SLC10A7: variants seen among roughly 807,000 people sequenced by gnomAD.
SLC10A7 encodes the protein solute carrier family 10 member 7.
A neutral mutation model predicts 43.2 loss-of-function variants in SLC10A7; 29 were observed. The ratio of observed to expected loss-of-function variants is 0.67; its 90% CI spans 0.50 to 0.92. The LOEUF (loss-of-function observed/expected upper bound fraction) is 0.92, where lower values mean the gene tolerates loss of function less well. SLC10A7 is among the 40% of genes least tolerant of loss of function. The pLI, the probability that SLC10A7 is intolerant of heterozygous loss-of-function variation, is 0.00. For synonymous variants in SLC10A7, 152 were observed against 144.8 expected (o/e 1.05, Z -0.35); for missense variants, 295 against 403.2 (o/e 0.73, Z 2.30).
rs1369401118 is a variant in SLC10A7 at position 146,470,724 on chromosome 4, A to C, written c.397-27903T>G. The stretch of plus-strand genomic sequence containing the variant: ...CTTTTTCACCAGATATATGATAACC[A>C]TACTACTAGACTATGGAGCCTATAA... On this transcript the variant is annotated intron_variant, in intron 4 of 11. Coordinates refer to ENST00000335472, the MANE Select transcript of SLC10A7 (RefSeq NM_001029998.6). 2.0e-5 allele frequency among the ~76,000 whole-genome samples: 3 copies of C among 152,334 alleles called. No homozygotes were observed. In the East Asian group the frequency reaches 5.8e-4, roughly 29 times the overall value.
At chr4:146,466,603 T>G (rs940310114) in intron 4 of SLC10A7, among the ~76,000 whole-genome samples, 1 of 152,204 alleles carries the variant, frequency 6.6e-6, no homozygotes, top group African/African-American at 2.4e-5. Flanking sequence ...ATTACATTCT[T>G]TTTCTTAGCT....
chr4:146,313,620 A>T (rs1226881073), intron 6 of SLC10A7, among the ~76,000 whole-genome samples: 3 of 152,176 alleles, frequency 2.0e-5, no homozygotes, highest in African/African-American at 7.2e-5. Context: ...ATTATAAAAA[A>T]TAATTATTGT....
intron 6 of SLC10A7, among the ~76,000 whole-genome samples, chr4:146,312,401 C>A (rs777557108): frequency 6.6e-6 from 1 of 151,914 alleles, no homozygotes; most frequent in East Asian, 1.9e-4. Context: ...TTTAACATAC[C>A]CATCACCTCA....
At chr4:146,382,962 T>G (rs563269417) in intron 5 of SLC10A7, among the ~76,000 whole-genome samples, 1 of 152,144 alleles carries the variant, frequency 6.6e-6, no homozygotes, top group East Asian at 1.9e-4. Flanking sequence ...AAACTTTCCT[T>G]GGTACCTCTA....
At chr4:146,511,192 G>T (rs1378029211) in intron 2 of SLC10A7, among the ~76,000 whole-genome samples, 1 of 151,980 alleles carries the variant, frequency 6.6e-6, no homozygotes, top group African/African-American at 2.4e-5. Context: ...TAAGAAACCA[G>T]GCACACGTTA....
intron 5 of SLC10A7, among the ~76,000 whole-genome samples, chr4:146,437,500 T>C (rs1730299956): frequency 6.6e-6 from 1 of 152,082 alleles, no homozygotes; most frequent in South Asian, 2.1e-4. Context: ...TTAAGTTTAA[T>C]GAAAATAAAA....
At chr4:146,469,655 G>C (rs1469482980) in intron 4 of SLC10A7, among the ~76,000 whole-genome samples, 1 of 152,074 alleles carries the variant, frequency 6.6e-6, no homozygotes, top group Non-Finnish European at 1.5e-5. Flanking sequence ...TATTTATTGG[G>C]TCTTCCTCTG....
At chr4:146,286,649 AC>A (rs1729987116) in intron 9 of SLC10A7, among the ~76,000 whole-genome samples, 1 of 148,242 alleles carries the variant, frequency 6.7e-6, no homozygotes, top group Admixed American at 6.7e-5. Context: ...GGTGAGAAGG[AC>A]CGTGTCTGGA....
intron 4 of SLC10A7, 142 bp downstream of exon 4, chr4:146,503,707 T>C: frequency 3.0e-6 from 2 of 672,242 alleles, no homozygotes; most frequent in Non-Finnish European, 5.2e-6. Flanking sequence ...TGCTAGTATG[T>C]GAGTACACCT....
intron 5 of SLC10A7, among the ~76,000 whole-genome samples, chr4:146,379,928 C>T (rs1202026252): frequency 2.0e-5 from 3 of 148,530 alleles, no homozygotes; most frequent in Non-Finnish European, 4.4e-5. Flanking sequence ...ATCTGCTTGA[C>T]AAATAATTCT....
chr4:146,515,909 C>CAAAAAA (rs57840725), intron 2 of SLC10A7, among the ~76,000 whole-genome samples: 4 of 79,240 alleles, frequency 5.0e-5, no homozygotes, highest in African/African-American at 1.5e-4. Flanking sequence ...GATTCCATCT[C>CAAAAAA]AAAAAAAAAA....
intron 3 of SLC10A7, among the ~76,000 whole-genome samples, chr4:146,508,868 C>A (rs1737173175): frequency 6.6e-6 from 1 of 152,204 alleles, no homozygotes; most frequent in South Asian, 2.1e-4. Flanking sequence ...AATCTGAATG[C>A]TGTACCACGG....
chr4:146,279,392 T>G (rs1356722411), intron 10 of SLC10A7, among the ~76,000 whole-genome samples: 1 of 152,192 alleles, frequency 6.6e-6, no homozygotes, highest in African/African-American at 2.4e-5. Flanking sequence ...ACAGGATATC[T>G]TGGATCTAAT....
At chr4:146,339,536 C>A (rs1734111161) in intron 5 of SLC10A7, among the ~76,000 whole-genome samples, 1 of 151,906 alleles carries the variant, frequency 6.6e-6, no homozygotes, top group Non-Finnish European at 1.5e-5. Context: ...ACCAATGGTC[C>A]TAAGAAAGGT....
chr4:146,477,649 G>C (rs1375410102), intron 4 of SLC10A7, among the ~76,000 whole-genome samples: 4 of 152,194 alleles, frequency 2.6e-5, no homozygotes, highest in Admixed American at 1.3e-4. Context: ...AATGTGAAAA[G>C]AAAGAGGTCA....
intron 5 of SLC10A7, among the ~76,000 whole-genome samples, chr4:146,429,907 C>T (rs536508986): frequency 5.9e-5 from 9 of 151,876 alleles, no homozygotes; most frequent in Non-Finnish European, 1.0e-4. Context: ...AATGGACAAA[C>T]GTGACATACA....
At chr4:146,519,577 T>C (rs1323340544) in intron 1 of SLC10A7, among the ~76,000 whole-genome samples, 2 of 151,980 alleles carry the variant, frequency 1.3e-5, no homozygotes, top group Non-Finnish European at 1.5e-5. Flanking sequence ...AGAGGTACAT[T>C]ATCTTTATAT....
At chr4:146,267,373 C>T (rs563945671) in intron 10 of SLC10A7, among the ~76,000 whole-genome samples, 1 of 152,124 alleles carries the variant, frequency 6.6e-6, no homozygotes. Flanking sequence ...TCTGACTATT[C>T]TAGGACTTTC....
chr4:146,266,829 C>A (rs1728588208), intron 10 of SLC10A7, among the ~76,000 whole-genome samples: 1 of 152,086 alleles, frequency 6.6e-6, no homozygotes, highest in Non-Finnish European at 1.5e-5. Context: ...CTTGGTTGGG[C>A]AAGTTATTAT....
Sources: gnomAD v4.1 joint callset for allele counts (sites outside exome capture counted in the v4.1 genomes callset) on GRCh38, gnomAD v4.1.1 for gene constraint, MANE v1.5 for transcripts, NCBI Gene and HGNC (gene_info 2026-07-23, HGNC 2026-07-21) for gene names.